Variants in MICAL2 observed in about 807,000 individuals in gnomAD.
The protein encoded by MICAL2 is microtubule associated monooxygenase, calponin and LIM domain containing 2.
Under a neutral mutation model 127.3 loss-of-function variants are expected in MICAL2, and 77 were observed. The ratio of observed to expected loss-of-function variants is 0.60; its 90% CI spans 0.50 to 0.73. The LOEUF (loss-of-function observed/expected upper bound fraction) is 0.73, where lower values mean the gene tolerates loss of function less well. Among genes scored for constraint, MICAL2 ranks in the 30% least tolerant of loss-of-function variants. The probability of loss-of-function intolerance (pLI) is 0.00; values close to 1 mark genes in which losing one functional copy is unlikely to be tolerated. For missense variants in MICAL2, 1,351 were observed against 1,434.4 expected (o/e 0.94, Z 0.94); for synonymous variants, 570 against 551.1 (o/e 1.03, Z -0.48).
At chr11:12,217,283 A>G (rs1481119082) in intron 8 of MICAL2, among the ~76,000 whole-genome samples, 2 of 152,186 alleles carry the variant, frequency 1.3e-5, no homozygotes, top group Non-Finnish European at 2.9e-5. Flanking sequence ...GAATGCAGCT[A>G]TCTTCTTTCC....
chr11:12,258,058 AT>A (rs955430225), intron 24 of MICAL2, among the ~76,000 whole-genome samples: 5 of 151,994 alleles, frequency 3.3e-5, no homozygotes, highest in Admixed American at 6.6e-5. Flanking sequence ...TGATTTGGGG[AT>A]TTTTTTTAAA....
upstream of MICAL2, among the ~76,000 whole-genome samples, chr11:12,271,701 A>G (rs149639723): frequency 2.0e-4 from 30 of 152,292 alleles, no homozygotes; most frequent in Admixed American, 1.6e-3. Context: ...TACTACTGTT[A>G]TACGCACACA....
chr11:12,120,594 G>A (rs1850426117), intron 1 of MICAL2, among the ~76,000 whole-genome samples: 1 of 152,194 alleles, frequency 6.6e-6, no homozygotes, highest in African/African-American at 2.4e-5. Flanking sequence ...GGAGGAGGTG[G>A]AGTTTGTAGA....
intron 29 of MICAL2, among the ~76,000 whole-genome samples, chr11:12,304,355 G>T (rs1331671710): frequency 2.0e-5 from 3 of 152,100 alleles, no homozygotes; most frequent in Non-Finnish European, 4.4e-5. Flanking sequence ...CTTCAGCCAG[G>T]CACGGTGGCT....
intron 17 of MICAL2, among the ~76,000 whole-genome samples, chr11:12,240,177 G>A (rs138907137): frequency 0.012 from 1,781 of 152,288 alleles, 36 homozygotes; most frequent in African/African-American, 0.04. Context: ...TCAGCCTGGC[G>A]GGGCTGTTTT....
At chr11:12,261,719 C>G (rs1446554591) in intron 26 of MICAL2, 1 of 985,302 alleles carries the variant, frequency 1.0e-6, no homozygotes, top group Non-Finnish European at 1.2e-6. Context: ...CAAACACTTC[C>G]CTGAAATCCT....
At position 12,137,015 on chromosome 11, in the gene MICAL2, C is replaced by T. The variant is rs139840985; in HGVS notation, c.-148-1375C>T. Among the ~76,000 whole-genome samples, 136 of 152,316 alleles carry T rather than the reference C, an allele frequency of 8.9e-4. 2 individuals carry two copies. The East Asian group carries it at 0.024, about 27-fold the overall frequency. Reference sequence around the variant, plus strand: ...TTCTGTACCAGGATGTCCAGCTCCCCACCCACAGATCCCAGAAGCTTCCCT... The same window carrying T: ...TTCTGTACCAGGATGTCCAGCTCCCTACCCACAGATCCCAGAAGCTTCCCT... On this transcript the variant is annotated intron_variant, in intron 1 of 27. Coordinates refer to ENST00000683283, the MANE Select transcript of MICAL2 (RefSeq NM_001282663.2).
intron 32 of MICAL2, among the ~76,000 whole-genome samples, chr11:12,330,900 AGT>A (rs200754218): frequency 0.021 from 2,553 of 119,316 alleles, 24 homozygotes; most frequent in South Asian, 0.028. Flanking sequence ...AGAGAGAGAG[AGT>A]GTGTGTGTGT....
chr11:12,119,417 T>C (rs1850321127), intron 1 of MICAL2, among the ~76,000 whole-genome samples: 1 of 152,190 alleles, frequency 6.6e-6, no homozygotes, highest in Non-Finnish European at 1.5e-5. Flanking sequence ...TATGAAACCC[T>C]TCAAATCCAG....
chr11:12,228,152 A>C (rs903011093), intron 15 of MICAL2, among the ~76,000 whole-genome samples: 1 of 152,170 alleles, frequency 6.6e-6, no homozygotes, highest in Non-Finnish European at 1.5e-5. Context: ...AATATGATGA[A>C]ACCCCGTATC....
Position 12,216,298 on chromosome 11 carries a change from C to T in MICAL2, c.927C>T (p.Leu309=), listed in dbSNP as rs373207480. The change falls in exon 8 of 28, where the codon CTC becomes CTT. Residue 309 remains leucine (L), a synonymous_variant. Transcript: ENST00000683283. The part of the protein sequence containing the change: ...FVMTAKKQSL[L]DKGVIINDYI... ...TGACAGCCAAGAAGCAGAGCCTGCT[C>T]GACAAAGGTGTCATCATTAACGTAC... 10 of 1,613,718 alleles carry T rather than the reference C, an allele frequency of 6.2e-6. No homozygotes were observed. The highest frequency in any genetic ancestry group is 2.2e-5 in the South Asian group (2 of 91,072).
chr11:12,193,584 G>C (rs1859494206), intron 3 of MICAL2, among the ~76,000 whole-genome samples: 1 of 152,170 alleles, frequency 6.6e-6, no homozygotes. Flanking sequence ...GAAGGGCCTA[G>C]AAAGACAGTG....
At chr11:12,261,918 C>T (rs1043131780) in intron 26 of MICAL2, 2 of 986,644 alleles carry the variant, frequency 2.0e-6, no homozygotes, top group Non-Finnish European at 2.4e-6. Flanking sequence ...TTTTTGAGGT[C>T]ATGATGTGAA....
intron 32 of MICAL2, among the ~76,000 whole-genome samples, chr11:12,339,257 G>A (rs991395958): frequency 5.3e-5 from 8 of 152,164 alleles, no homozygotes; most frequent in Non-Finnish European, 1.2e-4. Flanking sequence ...ACTGAGGCTT[G>A]TGCATTTGTC....
intron 29 of MICAL2, among the ~76,000 whole-genome samples, chr11:12,305,069 AC>A (rs1167406145): frequency 1.3e-5 from 2 of 151,814 alleles, no homozygotes; most frequent in African/African-American, 2.4e-5. Flanking sequence ...ACGTTCCAAG[AC>A]CCCCAGTGGA....
chr11:12,164,860 C>T (rs903307194), intron 3 of MICAL2, among the ~76,000 whole-genome samples: 2 of 152,128 alleles, frequency 1.3e-5, no homozygotes, highest in Admixed American at 6.5e-5. Context: ...CTTGGCTGGG[C>T]GTCGCGGCTC....
chr11:12,341,540 T>A (rs764489644), intron 32 of MICAL2, among the ~76,000 whole-genome samples: 51 of 152,234 alleles, frequency 3.4e-4, no homozygotes, highest in Non-Finnish European at 6.9e-4. Flanking sequence ...CCAAAAAATG[T>A]TATTGGCCCG....
At chr11:12,134,434 G>T (rs9651616) in intron 1 of MICAL2, among the ~76,000 whole-genome samples, 51,470 of 152,000 alleles carry the variant, frequency 0.34, 8,855 homozygotes, top group African/African-American at 0.37. Context: ...GAAGCACAGG[G>T]CTGGGCTGCT....
chr11:12,224,941 C>G, intron 13 of MICAL2, 121 bp downstream of exon 13: 2 of 1,267,256 alleles, frequency 1.6e-6, no homozygotes, highest in Non-Finnish European at 2.2e-6. Flanking sequence ...TGAGATTTTT[C>G]TTAACATTTG....
Sources: gnomAD v4.1 joint callset for allele counts (sites outside exome capture counted in the v4.1 genomes callset) on GRCh38, gnomAD v4.1.1 for gene constraint, MANE v1.5 for transcripts, NCBI Gene and HGNC (gene_info 2026-07-23, HGNC 2026-07-21) for gene names.